Variants in BICRA observed in about 807,000 individuals in gnomAD.
BICRA encodes the protein BRD4 interacting chromatin remodeling complex associated protein.
In BICRA, 31 loss-of-function variants were observed where a neutral mutation model predicts 96.9. The ratio of observed to expected loss-of-function variants is 0.32; its 90% CI spans 0.24 to 0.43. The LOEUF is 0.43. Ranked by LOEUF, BICRA falls within the 20% of genes least tolerant of loss-of-function variation. The probability of loss-of-function intolerance (pLI) is 1.00; values close to 1 mark genes in which losing one functional copy is unlikely to be tolerated. For synonymous variants in BICRA, 1,350 were observed against 1,071.8 expected, an observed-to-expected ratio of 1.26 and a Z score of -5.07; for missense variants, 2,283 against 2,190.3, an observed-to-expected ratio of 1.04 and a Z score of -0.84.
chr19:47,699,186 GA>G lies in BICRA; in HGVS notation c.3493-116del. ...TAGCCCCGGGAGGGAGGTTGGGAGG[GA>G]GGCGGGAGCTCCCATCACAAGGACA... On this transcript the variant is annotated intron_variant, in intron 13 of 14. Transcript: ENST00000594866. The surrounding 1 kb of genome is among the most constrained non-coding windows in gnomAD (Gnocchi z 5.0). 2.2e-6 allele frequency: 2 copies of G among 896,138 alleles called. No homozygotes were observed. The highest frequency in any genetic ancestry group is 3.6e-6 in the Non-Finnish European group (2 of 555,190). 55.5% of individuals were successfully genotyped at this position (896,138 alleles called of 1,614,324 possible). A position where few individuals can be genotyped will look rare whatever the true frequency, so the allele number is the denominator to read the frequency against.
At chr19:47,609,918 C>T (rs1198262761) in intron 1 of BICRA, among the ~76,000 whole-genome samples, 1 of 152,134 alleles carries the variant, frequency 6.6e-6, no homozygotes, top group African/African-American at 2.4e-5. Context: ...AGGTGACCCC[C>T]TCCCCCACCC....
At chr19:47,652,988 T>C (rs1259537192) in intron 1 of BICRA, among the ~76,000 whole-genome samples, 1 of 151,230 alleles carries the variant, frequency 6.6e-6, no homozygotes, top group Non-Finnish European at 1.5e-5. Context: ...GATCTTTCCC[T>C]ATCAGTACAC....
chr19:47,642,594 C>A (rs1012456787), intron 1 of BICRA, among the ~76,000 whole-genome samples: 1 of 151,836 alleles, frequency 6.6e-6, no homozygotes, highest in Admixed American at 6.6e-5. Flanking sequence ...CCCAGCTACT[C>A]GGGAAGCTGA....
intron 7 of BICRA, among the ~76,000 whole-genome samples, chr19:47,688,720 C>T (rs1466785748): frequency 2.0e-5 from 3 of 152,062 alleles, no homozygotes; most frequent in Admixed American, 1.3e-4. Flanking sequence ...ACCCGGGAGG[C>T]GGAGGTTGCA....
chr19:47,689,544 T>G (rs933505665), intron 7 of BICRA, among the ~76,000 whole-genome samples: 1 of 152,172 alleles, frequency 6.6e-6, no homozygotes, highest in African/African-American at 2.4e-5. Context: ...CCGGAGTAGC[T>G]GGGATTACAG....
Position 47,698,960 on chromosome 19 carries a change from C to A in BICRA, c.3398-5C>A. 6.4e-7 allele frequency: 1 copy of A among 1,571,882 alleles called. No individual in the cohort carries two copies. The highest frequency in any genetic ancestry group is 8.6e-7 in the Non-Finnish European group (1 of 1,157,606). On this transcript the variant is annotated splice_polypyrimidine_tract_variant and splice_region_variant and intron_variant, in intron 12 of 14. Transcript: ENST00000594866. This position sits in a 1 kb window ranked among gnomAD's most constrained non-coding sequence, Gnocchi z 4.8. ...CCGCCCTTGCCTCTCTTCCCTTCCT[C>A]GCAGTGGACGAGGAGTTTGAGACGG...
rs35273886 is a variant in BICRA, at chr19:47,624,992, CTTTTTTTTTTTT to C, written c.-108+15838_-108+15849del. ...TACAGACATGAGCCACTGCACCTGG[CTTTTTTTTTTTT>C]TTTTTTTTTTTTTGAGACAGAGTCT... On this transcript the variant is annotated intron_variant, in intron 1 of 14. Coordinates refer to ENST00000594866, the MANE Select transcript of BICRA (RefSeq NM_001394372.1). Among the ~76,000 whole-genome samples the C allele has an allele frequency of 2.5e-3, 147 of 57,940 alleles. 1 individual carries two copies. The Middle Eastern group carries it at 0.067, about 26-fold the overall frequency. The allele number at this position is 57,940 out of a possible 152,430, so 38.0% of individuals were successfully genotyped here.
At chr19:47,676,848 C>T in intron 5 of BICRA, among the ~76,000 whole-genome samples, 1 of 151,858 alleles carries the variant, frequency 6.6e-6, no homozygotes, top group East Asian at 1.9e-4. Context: ...CTTACCACGA[C>T]CATCATTTTT....
In BICRA at chr19:47,702,599, C is replaced by T. The variant is rs1242649728; in HGVS notation, c.*184C>T. The T allele has an allele frequency of 3.0e-6, 2 of 676,460 alleles. No individual in the cohort carries two copies. Among genetic ancestry groups the T allele is most frequent in the Non-Finnish European group, 4.6e-6 (2 of 438,372 alleles). 41.9% of individuals were successfully genotyped at this position (676,460 alleles called of 1,614,324 possible). On this transcript the variant is annotated 3_prime_UTR_variant, in exon 15 of 15. Transcript: ENST00000594866. ...TTCAGCTGGGTTGCTGGGGGGTGGG[C>T]GTGGATTTAGGGAGGGGGCTGTGAT...
In BICRA at chr19:47,694,893, T is replaced by C. The variant is rs1973309546; in HGVS notation, c.2896-7T>C. 2 of 1,503,132 alleles carry C rather than the reference T, an allele frequency of 1.3e-6. No individual in the cohort carries two copies. Among genetic ancestry groups the C allele is most frequent in the African/African-American group, 1.4e-5 (1 of 71,032 alleles). 93.1% of individuals were successfully genotyped at this position (1,503,132 alleles called of 1,614,324 possible). A position where few individuals can be genotyped will look rare whatever the true frequency, so the allele number is the denominator to read the frequency against. ...CCCCACCCCTCATCCACCTGTCCCC[T>C]CCTCAGGTGCCGTCCGGAATCATCC... On this transcript the variant is annotated splice_region_variant and splice_polypyrimidine_tract_variant and intron_variant, in intron 8 of 14. Transcript: ENST00000594866.
intron 1 of BICRA, among the ~76,000 whole-genome samples, chr19:47,617,178 A>G (rs1461643791): frequency 6.6e-6 from 1 of 152,038 alleles, no homozygotes; most frequent in African/African-American, 2.4e-5. Flanking sequence ...GTCTTGCTAT[A>G]TTGCTCAGGC....
intron 9 of BICRA, 132 bp downstream of exon 9, chr19:47,695,212 C>A: frequency 1.3e-6 from 1 of 769,286 alleles, no homozygotes. Context: ...TCAAGGGACA[C>A]AGGAAGGCCA....
intron 14 of BICRA, chr19:47,700,795 A>AAAC (rs1555791715): frequency 0.24 from 37,602 of 155,282 alleles, 4,630 homozygotes; most frequent in East Asian, 0.33. Context: ...CTGTCTCAAA[A>AAAC]AAACAAACAA....
At chr19:47,650,392 A>G (rs147055121) in intron 1 of BICRA, among the ~76,000 whole-genome samples, 28 of 152,156 alleles carry the variant, frequency 1.8e-4, no homozygotes, top group Admixed American at 7.9e-4. Flanking sequence ...TGGCCTCCCA[A>G]ATTACAGGGC....
In BICRA at chr19:47,695,066, C is replaced by T; in HGVS notation, c.3062C>T (p.Pro1021Leu). The stretch of plus-strand genomic sequence containing the variant: ...CCCAGCCACGCCCCCGCCCCGGCAC[C>T]CATGGCCGCCACAGGTAGGAGAGAG... The part of the protein sequence containing the change: ...TAPSHAPAPA[P>L]MAATGLPPLL... The change falls in exon 9 of 15, where the codon CCC (proline) becomes CTC (leucine). Residue 1021 changes from proline to leucine, a missense_variant. Coordinates refer to ENST00000594866, the MANE Select transcript of BICRA (RefSeq NM_001394372.1). 6.7e-7 allele frequency: 1 copy of T among 1,495,652 alleles called. No individual in the cohort carries two copies. The highest frequency in any genetic ancestry group is 8.8e-7 in the Non-Finnish European group (1 of 1,132,492). The allele number at this position is 1,495,652 out of a possible 1,614,324, so 92.6% of individuals were successfully genotyped here.
chr19:47,685,772 T>TGC (rs1431367373), intron 7 of BICRA, among the ~76,000 whole-genome samples: 5 of 133,648 alleles, frequency 3.7e-5, no homozygotes, highest in Non-Finnish European at 7.8e-5. Context: ...TGTGTGTGTG[T>TGC]GTGTGTGTGT....
chr19:47,698,862 G>A lies in BICRA; in HGVS notation c.3397+80G>A, dbSNP rs1973391896. 7 of 1,391,222 alleles carry A rather than the reference G, an allele frequency of 5.0e-6. No individual in the cohort carries two copies. The highest frequency in any genetic ancestry group is 2.5e-5 in the East Asian group (1 of 40,362). 86.2% of individuals were successfully genotyped at this position (1,391,222 alleles called of 1,614,324 possible). On this transcript the variant is annotated intron_variant, in intron 12 of 14. Coordinates refer to ENST00000594866, the MANE Select transcript of BICRA (RefSeq NM_001394372.1). This position sits in a 1 kb window ranked among gnomAD's most constrained non-coding sequence, Gnocchi z 4.8. ...GGCGGGGCGTCGCCAGTGTGGAGCCGCAGGTCCACGGTGCGCTATGCTGAC... is the reference window on the plus strand; with the variant it reads ...GGCGGGGCGTCGCCAGTGTGGAGCCACAGGTCCACGGTGCGCTATGCTGAC...
chr19:47,684,032 G>A (rs952582353), intron 7 of BICRA, among the ~76,000 whole-genome samples: 4 of 152,194 alleles, frequency 2.6e-5, no homozygotes, highest in African/African-American at 9.7e-5. Context: ...TCACTTGCAC[G>A]CTCTCCCACT....
intron 1 of BICRA, among the ~76,000 whole-genome samples, chr19:47,647,097 G>T (rs1234210577): frequency 6.6e-6 from 1 of 152,164 alleles, no homozygotes; most frequent in Non-Finnish European, 1.5e-5. Context: ...TGTTGTCAAG[G>T]TCCCTCCGTG....
Sources: gnomAD v4.1 joint callset for allele counts (sites outside exome capture counted in the v4.1 genomes callset) on GRCh38, gnomAD v4.1.1 for gene constraint, Gnocchi (gnomAD v3.1) non-coding constraint, MANE v1.5 for transcripts, NCBI Gene and HGNC (gene_info 2026-07-23, HGNC 2026-07-21) for gene names.